IL1R1: variants seen among roughly 807,000 people sequenced by gnomAD.
IL1R1 encodes interleukin-1 receptor type 1.
A neutral mutation model predicts 50.2 loss-of-function variants in IL1R1; 22 were observed. That is an observed-to-expected ratio of 0.44 (90% confidence interval 0.31 to 0.63). IL1R1 has a LOEUF of 0.63. Ranked by LOEUF, IL1R1 falls within the 20% of genes least tolerant of loss-of-function variation. IL1R1 has a pLI of 0.07. For missense variants in IL1R1, 509 were observed against 676.2 expected (o/e 0.75, Z 2.74); for synonymous variants, 251 against 236.7 (o/e 1.06, Z -0.55).
At chr2:102,118,009 A>G (rs1203849899) in intron 1 of IL1R1, among the ~76,000 whole-genome samples, 4 of 151,630 alleles carry the variant, frequency 2.6e-5, no homozygotes, top group Admixed American at 2.0e-4. Flanking sequence ...ATAAAAATAT[A>G]TATTTGATCT....
At chr2:102,121,308 T>C (rs1681394250) in intron 1 of IL1R1, among the ~76,000 whole-genome samples, 1 of 152,248 alleles carries the variant, frequency 6.6e-6, no homozygotes, top group Admixed American at 6.5e-5. Context: ...TCGCAACTTC[T>C]ATCCCCCTCC....
chr2:102,120,110 C>G (rs1212752835), intron 1 of IL1R1, among the ~76,000 whole-genome samples: 1 of 152,038 alleles, frequency 6.6e-6, no homozygotes, highest in Non-Finnish European at 1.5e-5. Context: ...GCTTATTTGG[C>G]CAGATCGGAC....
intron 1 of IL1R1, among the ~76,000 whole-genome samples, chr2:102,135,725 A>G (rs201626469): frequency 9.8e-5 from 15 of 152,296 alleles, no homozygotes; most frequent in East Asian, 1.9e-4. Context: ...GAGTCCCTGA[A>G]TTATCTAAAC....
chr2:102,139,876 C>A (rs562556838), upstream of IL1R1, among the ~76,000 whole-genome samples: 1 of 152,244 alleles, frequency 6.6e-6, no homozygotes, highest in African/African-American at 2.4e-5. Context: ...TTATAAATTT[C>A]CCAGTTTCAG....
intron 6 of IL1R1, among the ~76,000 whole-genome samples, chr2:102,167,454 T>G (rs1685284562): frequency 1.4e-5 from 2 of 143,796 alleles, no homozygotes; most frequent in East Asian, 2.0e-4. Context: ...TTTTTTTTTT[T>G]TTTTTTTTTT....
At chr2:102,114,272 A>T (rs918045497) in intron 1 of IL1R1, among the ~76,000 whole-genome samples, 1 of 152,236 alleles carries the variant, frequency 6.6e-6, no homozygotes, top group African/African-American at 2.4e-5. Flanking sequence ...TAAAGTAGGG[A>T]CTTGGTAGAT....
intron 1 of IL1R1, among the ~76,000 whole-genome samples, chr2:102,090,145 T>C (rs993476743): frequency 1.3e-5 from 2 of 151,322 alleles, no homozygotes; most frequent in Admixed American, 6.6e-5. Flanking sequence ...ATCCTTTTTT[T>C]TTCAATTTTT....
chr2:102,128,557 G>C (rs921538041), intron 1 of IL1R1, among the ~76,000 whole-genome samples: 2 of 152,120 alleles, frequency 1.3e-5, no homozygotes, highest in Admixed American at 1.3e-4. Context: ...TGCCATCAAG[G>C]GAATTGAGGC....
At chr2:102,095,118 C>T (rs1209061984) in intron 1 of IL1R1, among the ~76,000 whole-genome samples, 2 of 152,200 alleles carry the variant, frequency 1.3e-5, no homozygotes, top group Non-Finnish European at 2.9e-5. Context: ...GCCCCTCCCC[C>T]AACACGGTGT....
chr2:102,111,497 AACTG>A (rs1315412141), intron 1 of IL1R1, among the ~76,000 whole-genome samples: 13 of 152,316 alleles, frequency 8.5e-5, no homozygotes, highest in Admixed American at 8.5e-4. Context: ...TGCATTAATA[AACTG>A]ACTGATAATT....
In IL1R1 at chr2:102,165,171, C is replaced by T. The variant is rs776595730; in HGVS notation, c.353C>T (p.Pro118Leu). The change falls in exon 5 of 12, where the codon CCT (proline) becomes CTT (leucine). Residue 118 changes from proline to leucine, a missense_variant. Transcript: ENST00000410023. ...AGTGCAAAATTTGTGGAGAATGAGC[C>T]TAACTTATGTTATAATGCACAAGCC... ...KISAKFVENE[P>L]NLCYNAQAIF... is the part of the protein sequence containing the mutation. The T allele has an allele frequency of 2.5e-6, 4 of 1,593,980 alleles. No homozygotes were observed. The South Asian group carries it at 4.6e-5, about 18-fold the overall frequency.
chr2:102,143,817 C>G (rs1015609573), intron 1 of IL1R1, among the ~76,000 whole-genome samples: 9 of 152,188 alleles, frequency 5.9e-5, no homozygotes, highest in Non-Finnish European at 1.2e-4. Flanking sequence ...TCTCCACTGC[C>G]TTATCTTTGG....
At chr2:102,074,844 T>G (rs1264668380) in intron 1 of IL1R1, among the ~76,000 whole-genome samples, 1 of 152,220 alleles carries the variant, frequency 6.6e-6, no homozygotes, top group African/African-American at 2.4e-5. Flanking sequence ...TTTTATTTTC[T>G]TCTTTACTAA....
At chr2:102,146,263 T>G (rs2104461968) in intron 1 of IL1R1, among the ~76,000 whole-genome samples, 1 of 152,306 alleles carries the variant, frequency 6.6e-6, no homozygotes, top group South Asian at 2.1e-4. Flanking sequence ...TTTCCATCAG[T>G]GGGTCTCACC....
At chr2:102,100,487 C>T (rs571969121), upstream of IL1R1, among the ~76,000 whole-genome samples, 1 of 152,340 alleles carries the variant, frequency 6.6e-6, no homozygotes, top group South Asian at 2.1e-4. Context: ...TAACCATATT[C>T]TTTGTTTTGC....
At chr2:102,142,736 C>T (rs1019067322), upstream of IL1R1, 3 of 150,590 alleles carry the variant, frequency 2.0e-5, no homozygotes, top group Admixed American at 1.3e-4. Context: ...GAGCCAGAGC[C>T]GCGCCCGGCA....
intron 1 of IL1R1, among the ~76,000 whole-genome samples, chr2:102,134,338 T>C (rs1682216412): frequency 6.6e-6 from 1 of 152,132 alleles, no homozygotes. Flanking sequence ...CAGCTTTTTC[T>C]GGGTACTTCA....
chr2:102,136,949 A>T (rs1682376818), intron 1 of IL1R1, among the ~76,000 whole-genome samples: 1 of 152,204 alleles, frequency 6.6e-6, no homozygotes, highest in African/African-American at 2.4e-5. Context: ...ACTGAATGAC[A>T]ACACTAGAAA....
chr2:102,163,069 T>C (rs1410805978), intron 3 of IL1R1, among the ~76,000 whole-genome samples: 3 of 152,312 alleles, frequency 2.0e-5, no homozygotes, highest in South Asian at 4.1e-4. Context: ...GATATTGTTT[T>C]GCTCTCTTCT....
Sources: allele counts gnomAD v4.1 joint callset (sites outside exome capture counted in the v4.1 genomes callset), GRCh38; gene constraint gnomAD v4.1.1; transcripts MANE v1.5; gene names NCBI Gene and HGNC (gene_info 2026-07-23, HGNC 2026-07-21).